The following DNAI7 variants were observed in gnomAD, a reference collection of about 807,000 sequenced individuals.
DNAI7 encodes dynein axonemal intermediate chain 7.
In DNAI7, 78 loss-of-function variants were observed where a neutral mutation model predicts 86.6. The observed-to-expected ratio is 0.90, with a 90% CI of 0.75 to 1.09. The LOEUF is 1.09. Ranked by LOEUF, DNAI7 falls within the 50% of genes least tolerant of loss-of-function variation. The pLI is 0.00. For synonymous variants in DNAI7, 274 were observed against 273.0 expected (o/e 1.00, Z -0.04); for missense variants, 753 against 810.2 (o/e 0.93, Z 0.86).
At chr12:25,109,754 C>A (rs574918986) in intron 15 of DNAI7, among the ~76,000 whole-genome samples, 2 of 152,148 alleles carry the variant, frequency 1.3e-5, no homozygotes, top group Admixed American at 1.3e-4. Context: ...TTTTGGCTCA[C>A]CACAACCTCC....
chr12:25,110,865 A>G (rs1938674849), intron 14 of DNAI7, among the ~76,000 whole-genome samples: 1 of 152,122 alleles, frequency 6.6e-6, no homozygotes, highest in Non-Finnish European at 1.5e-5. Context: ...CCTTTGTTTC[A>G]TTCATTGCTA....
chr12:25,166,249 T>C (rs1290259320), intron 2 of DNAI7, among the ~76,000 whole-genome samples: 2 of 152,170 alleles, frequency 1.3e-5, no homozygotes, highest in African/African-American at 4.8e-5. Context: ...TTACCTGTCC[T>C]AAAACCAGAC....
intron 2 of DNAI7, among the ~76,000 whole-genome samples, chr12:25,164,901 C>A (rs1282459459): frequency 1.6e-3 from 1 of 618 alleles, no homozygotes; most frequent in African/African-American, 1.8e-3. Flanking sequence ...ACACCCGGTC[C>A]GGCTTAGTTT....
chr12:25,116,920 T>G (rs1016254006), intron 12 of DNAI7, among the ~76,000 whole-genome samples: 3 of 152,128 alleles, frequency 2.0e-5, no homozygotes, highest in African/African-American at 7.2e-5. Flanking sequence ...ATGTAAGAAT[T>G]TACTAGGTTT....
intron 2 of DNAI7, among the ~76,000 whole-genome samples, chr12:25,190,127 G>A (rs1950389831): frequency 6.6e-6 from 1 of 151,852 alleles, no homozygotes; most frequent in Admixed American, 6.6e-5. Flanking sequence ...AGGCATTCTG[G>A]AAAAAGGCAT....
intron 1 of DNAI7, among the ~76,000 whole-genome samples, chr12:25,192,213 G>A (rs777870188): frequency 6.6e-6 from 1 of 152,048 alleles, no homozygotes; most frequent in African/African-American, 2.4e-5. Flanking sequence ...TACTTCCATC[G>A]TGAAATAAGT....
In DNAI7 at chr12:25,110,217, A is replaced by C. The variant is rs764045877; in HGVS notation, c.1803T>G (p.Ala601=). ...NNKVPLVEVK[A]YRQMALLSSA... is the part of the protein sequence containing the mutation. ...AACTTAGTAGGGCCATCTGTCGATA[A>C]GCTTTCACTTCTACCAAAGGAACCT... Residue 601 remains alanine, a synonymous_variant, in exon 15 of 16, where the codon GCT becomes GCG. Transcript: ENST00000395987. The C allele has an allele frequency of 3.1e-6, 5 of 1,608,588 alleles. No homozygotes were observed. Among genetic ancestry groups the C allele is most frequent in the East Asian group, 4.5e-5 (2 of 44,854 alleles).
intron 8 of DNAI7, among the ~76,000 whole-genome samples, chr12:25,146,605 A>AAAAAAAAAG (rs1944866602): frequency 6.6e-6 from 1 of 151,874 alleles, no homozygotes; most frequent in Admixed American, 6.6e-5. Flanking sequence ...GTCTCAAAAA[A>AAAAAAAAAG]AAAAGAAAAA....
In DNAI7 at chr12:25,144,442, G is replaced by C. The variant is rs1383660236; in HGVS notation, c.925C>G (p.Gln309Glu). The change falls in exon 9 of 16, where the codon CAA becomes GAA. Residue 309 changes from glutamine (Q) to glutamate (E), a missense_variant. Gln to Glu is a conservative substitution (Grantham distance 29). Coordinates refer to ENST00000395987, the MANE Select transcript of DNAI7 (RefSeq NM_018272.5). ...TGAATTAAGTGAGACCCTCTTTCTTGTTGTTTGGACTCTTCTTCGACCTCC... is the reference window on the plus strand; with the variant it reads ...TGAATTAAGTGAGACCCTCTTTCTTCTTGTTTGGACTCTTCTTCGACCTCC... ...SKEVEEESKQQERGSHLIQEE... is the reference protein window; with the variant it reads ...SKEVEEESKQEERGSHLIQEE... The C allele has an allele frequency of 5.0e-6, 8 of 1,613,868 alleles. No individual in the cohort carries two copies. The Admixed American group carries it at 1.3e-4, about 27-fold the overall frequency.
chr12:25,149,593 T>C, intron 7 of DNAI7, 35 bp downstream of exon 7: 1 of 1,468,066 alleles, frequency 6.8e-7, no homozygotes, highest in Non-Finnish European at 9.3e-7. Flanking sequence ...TTAGCTCTTA[T>C]AAAACTTAAT....
At chr12:25,169,912 C>G (rs1947942225) in intron 2 of DNAI7, among the ~76,000 whole-genome samples, 1 of 150,858 alleles carries the variant, frequency 6.6e-6, no homozygotes, top group Admixed American at 6.6e-5. Flanking sequence ...CCCCAATCAA[C>G]TATCTGCTGC....
intron 2 of DNAI7, among the ~76,000 whole-genome samples, chr12:25,171,882 A>C (rs1948185163): frequency 6.6e-6 from 1 of 152,212 alleles, no homozygotes; most frequent in Non-Finnish European, 1.5e-5. Context: ...ATCTGAATAC[A>C]TGCAGAAAAA....
At chr12:25,188,280 G>T (rs1394910101) in intron 2 of DNAI7, among the ~76,000 whole-genome samples, 1 of 152,174 alleles carries the variant, frequency 6.6e-6, no homozygotes, top group Non-Finnish European at 1.5e-5. Flanking sequence ...AGGGAGAAAA[G>T]GGGTCTCTGT....
intron 5 of DNAI7, 127 bp from the exon 6 acceptor site, chr12:25,154,583 A>G: frequency 1.2e-6 from 1 of 839,186 alleles, no homozygotes; most frequent in Non-Finnish European, 1.9e-6. Flanking sequence ...TGATGGCTTT[A>G]ACCAGTAACT....
At chr12:25,139,685 C>T (rs1943958724) in intron 9 of DNAI7, among the ~76,000 whole-genome samples, 3 of 152,122 alleles carry the variant, frequency 2.0e-5, no homozygotes, top group Admixed American at 2.0e-4. Flanking sequence ...ACATCACACA[C>T]TGGGGCCTGT....
At chr12:25,174,570 T>A (rs372701259) in intron 2 of DNAI7, among the ~76,000 whole-genome samples, 3,140 of 44,562 alleles carry the variant, frequency 0.07, 740 homozygotes, top group Non-Finnish European at 0.093. Context: ...ATCATATATA[T>A]GGGATATATA....
At chr12:25,107,796 C>CTATT (rs1949306786), downstream of DNAI7, 4 of 1,599,408 alleles carry the variant, frequency 2.5e-6, no homozygotes, top group African/African-American at 1.3e-5. Context: ...TTACCAAATT[C>CTATT]TATTTGTGTT....
chr12:25,118,293 T>C (rs971654451), intron 12 of DNAI7, among the ~76,000 whole-genome samples: 3 of 150,380 alleles, frequency 2.0e-5, no homozygotes. Context: ...AGACACAGTC[T>C]TGCTCTGTGG....
At chr12:25,147,474 A>G (rs1417776699) in intron 7 of DNAI7, among the ~76,000 whole-genome samples, 1 of 67,454 alleles carries the variant, frequency 1.5e-5, no homozygotes, top group Non-Finnish European at 4.6e-5. Flanking sequence ...CAACATAATG[A>G]GACCACCCCC....
Sources: gnomAD v4.1 joint callset for allele counts (sites outside exome capture counted in the v4.1 genomes callset) on GRCh38, gnomAD v4.1.1 for gene constraint, MANE v1.5 for transcripts, NCBI Gene and HGNC (gene_info 2026-07-23, HGNC 2026-07-21) for gene names.